Variants in YTHDC1 observed in about 807,000 individuals in gnomAD.
YTHDC1 encodes YTH N6-methyladenosine RNA binding protein C1.
In YTHDC1, 12 loss-of-function variants were observed where a neutral mutation model predicts 107.0. The ratio of observed to expected loss-of-function variants is 0.11; its 90% CI spans 0.07 to 0.18. The LOEUF (loss-of-function observed/expected upper bound fraction) is 0.18. Among genes scored for constraint, YTHDC1 ranks in the 10% least tolerant of loss-of-function variants. YTHDC1 has a pLI of 1.00. For missense variants in YTHDC1, 635 were observed against 898.8 expected, an observed-to-expected ratio of 0.71 and a Z score of 3.75; for synonymous variants, 280 against 289.5, an observed-to-expected ratio of 0.97 and a Z score of 0.33.
Position 68,332,199 on chromosome 4 carries a change from T to TG in YTHDC1, c.1028-3dup. On this transcript the variant is annotated splice_region_variant and splice_polypyrimidine_tract_variant and intron_variant, in intron 6 of 16. Coordinates refer to ENST00000344157, the MANE Select transcript of YTHDC1 (RefSeq NM_001031732.4). ...CATATTTGAGTTTACTGGTTTGATC[T>TG]GAAAAAAAAAGAAACCCAAATCGAT... The TG allele has an allele frequency of 6.3e-7, 1 of 1,584,680 alleles. No individual in the cohort carries two copies.
chr4:68,328,254 C>G (rs931273918), intron 9 of YTHDC1, among the ~76,000 whole-genome samples: 2 of 152,166 alleles, frequency 1.3e-5, no homozygotes, highest in African/African-American at 4.8e-5. Flanking sequence ...CTCCTGTTCC[C>G]AAGAAAGCAA....
At chr4:68,346,121 C>T (rs1324451267) in intron 1 of YTHDC1, among the ~76,000 whole-genome samples, 2 of 138,626 alleles carry the variant, frequency 1.4e-5, no homozygotes, top group South Asian at 2.3e-4. Context: ...CTGCATGTAA[C>T]CGTCTGTATA....
intron 4 of YTHDC1, among the ~76,000 whole-genome samples, chr4:68,335,017 A>C (rs750078689): frequency 1.3e-5 from 2 of 152,204 alleles, no homozygotes; most frequent in Non-Finnish European, 2.9e-5. Context: ...TTTTGTATGA[A>C]TAACTCCCAA....
In YTHDC1 at chr4:68,322,397, T is replaced by A; in HGVS notation, c.1601+352A>T. On this transcript the variant is annotated intron_variant, in intron 11 of 16. Transcript: ENST00000344157. This position sits in a 1 kb window ranked among gnomAD's most constrained non-coding sequence, Gnocchi z 4.8. The stretch of plus-strand genomic sequence containing the variant: ...CTTTTTAAAAAGTATTAACAATTTT[T>A]GCAAATAAAGACTTCCTCCTCTTCC... 1 of 203,726 alleles carries A rather than the reference T, an allele frequency of 4.9e-6. No individual in the cohort carries two copies. The highest frequency in any genetic ancestry group is 9.7e-6 in the Non-Finnish European group (1 of 102,750). 12.6% of individuals were successfully genotyped at this position (203,726 alleles called of 1,614,324 possible). A position where few individuals can be genotyped will look rare whatever the true frequency, so the allele number is the denominator to read the frequency against.
chr4:68,319,934 A>G (rs1057449412), intron 12 of YTHDC1, among the ~76,000 whole-genome samples, 189 bp downstream of exon 12: 1 of 152,272 alleles, frequency 6.6e-6, no homozygotes, highest in South Asian at 2.1e-4. Context: ...GGAATAGACT[A>G]GACAACCTTA....
Position 68,337,429 on chromosome 4 carries a change from T to G in YTHDC1, c.481A>C (p.Arg161=). 6.2e-7 allele frequency: 1 copy of G among 1,614,068 alleles called. No individual in the cohort carries two copies. Among genetic ancestry groups the G allele is most frequent in the Non-Finnish European group, 8.5e-7 (1 of 1,179,930 alleles). Reference sequence around the variant, plus strand: ...GACTGGCTGGATCTGCTTGCACGTCTATCCACTTCAAGCCCAATTCTCTGA... The same window carrying G: ...GACTGGCTGGATCTGCTTGCACGTCGATCCACTTCAAGCCCAATTCTCTGA... ...GSERIGLEVD[R]RASRSSQSSK... The change falls in exon 4 of 17, where the codon AGA becomes CGA. Residue 161 remains arginine, a synonymous_variant. Coordinates refer to ENST00000344157, the MANE Select transcript of YTHDC1 (RefSeq NM_001031732.4).
chr4:68,315,938 CA>C (rs1175057972), intron 16 of YTHDC1: 1 of 155,806 alleles, frequency 6.4e-6, no homozygotes, highest in Non-Finnish European at 1.4e-5. Flanking sequence ...ACTTAATATA[CA>C]CGATCTATCC....
At chr4:68,334,403 A>T (rs1253829914) in intron 4 of YTHDC1, among the ~76,000 whole-genome samples, 1 of 152,036 alleles carries the variant, frequency 6.6e-6, no homozygotes, top group Non-Finnish European at 1.5e-5. Context: ...AGATATTCTC[A>T]TTACAGATGA....
At chr4:68,329,358 G>A (rs1181662789) in intron 9 of YTHDC1, among the ~76,000 whole-genome samples, 1 of 152,070 alleles carries the variant, frequency 6.6e-6, no homozygotes, top group African/African-American at 2.4e-5. Context: ...GGCTCATCAA[G>A]ATCTAATACC....
intron 7 of YTHDC1, 77 bp from the exon 8 acceptor site, chr4:68,330,387 A>C: frequency 9.9e-7 from 1 of 1,010,018 alleles, no homozygotes; most frequent in Non-Finnish European, 1.4e-6. Flanking sequence ...TTGAAAAAAA[A>C]CTACATATTT....
rs1721243627 is a variant in YTHDC1 at position 68,310,721 on chromosome 4, T to G, written c.*3378A>C. 1 of 152,216 alleles carries G rather than the reference T, an allele frequency of 6.6e-6. No homozygotes were observed. The highest frequency in any genetic ancestry group is 2.4e-5 in the African/African-American group (1 of 41,454). 9.4% of individuals were successfully genotyped at this position (152,216 alleles called of 1,614,324 possible). A position where few individuals can be genotyped will look rare whatever the true frequency, so the allele number is the denominator to read the frequency against. On this transcript the variant is annotated 3_prime_UTR_variant, in exon 17 of 17. Coordinates refer to ENST00000344157, the MANE Select transcript of YTHDC1 (RefSeq NM_001031732.4). ...AATCTTAAACATGAAGCTAAAATTA[T>G]CCATGTGTGTCACAGTCACCCTTAC...
Position 68,313,775 on chromosome 4 carries a change from AAAAC to A in YTHDC1, c.*320_*323del, listed in dbSNP as rs1721505257. On this transcript the variant is annotated 3_prime_UTR_variant, in exon 17 of 17. Transcript: ENST00000344157. ...TATCAATCAAGATCCAAAAAGGAAA[AAAAC>A]AAACAAAAAAATAACTCTAGGATGA... 1.1e-5 allele frequency: 3 copies of A among 279,132 alleles called. No individual in the cohort carries two copies. The highest frequency in any genetic ancestry group is 7.3e-5 in the South Asian group (1 of 13,634). The allele number at this position is 279,132 out of a possible 1,614,324, so 17.3% of individuals were successfully genotyped here.
At chr4:68,332,543 CAT>C (rs1723710370) in intron 6 of YTHDC1, among the ~76,000 whole-genome samples, 1 of 150,390 alleles carries the variant, frequency 6.6e-6, no homozygotes, top group South Asian at 2.1e-4. Context: ...ATATATAACA[CAT>C]ACACACATAC....
Position 68,337,162 on chromosome 4 carries a change from ATTC to A in YTHDC1, c.745_747del (p.Glu249del), listed in dbSNP as rs755562004. On this transcript the variant is annotated inframe_deletion, in exon 4 of 17. Coordinates refer to ENST00000344157, the MANE Select transcript of YTHDC1 (RefSeq NM_001031732.4). ...TTCTGGTCTCTCTCATCCTGTTCAT[ATTC>A]TTCTTCTTCCTCCTCCTCCTCCTCC... The A allele has an allele frequency of 1.4e-5, 22 of 1,612,594 alleles. No homozygotes were observed. Among genetic ancestry groups the A allele is most frequent in the Middle Eastern group, 1.7e-4 (1 of 6,056 alleles).
At chr4:68,331,924 A>C (rs1407678845) in intron 7 of YTHDC1, among the ~76,000 whole-genome samples, 179 bp downstream of exon 7, 2 of 151,986 alleles carry the variant, frequency 1.3e-5, no homozygotes, top group Non-Finnish European at 2.9e-5. Context: ...AAAAAAAAGA[A>C]AACTCAAATT....
intron 7 of YTHDC1, 79 bp from the exon 8 acceptor site, chr4:68,330,389 T>A: frequency 1.0e-6 from 1 of 983,628 alleles, no homozygotes; most frequent in Non-Finnish European, 1.4e-6. Context: ...GAAAAAAAAC[T>A]ACATATTTTG....
chr4:68,314,217 C>T lies in YTHDC1; in HGVS notation c.2066G>A (p.Arg689His), dbSNP rs772149696. 3.7e-6 allele frequency: 6 copies of T among 1,613,412 alleles called. No homozygotes were observed. The highest frequency in any genetic ancestry group is 2.2e-5 in the East Asian group (1 of 44,848). Residue 689 changes from arginine to histidine, a missense_variant, in exon 17 of 17, where the codon CGC becomes CAC. Physicochemically the swap from Arg to His is conservative, Grantham distance 29 (BLOSUM62 0). Around this residue, in one of 5 missense-constraint regions of YTHDC1, gnomAD observed 256 missense variants for 372.9 expected, o/e 0.69. Coordinates refer to ENST00000344157, the MANE Select transcript of YTHDC1 (RefSeq NM_001031732.4). ...RERDRERERD[R>H]PRDNRRDRER... Reference sequence around the variant, plus strand: ...TCTGTCTCGTCTGTTATCTCTAGGGCGGTCTCGCTCTCGTTCCCGGTCTCT... The same window carrying T: ...TCTGTCTCGTCTGTTATCTCTAGGGTGGTCTCGCTCTCGTTCCCGGTCTCT...
Position 68,322,529 on chromosome 4 carries a change from T to C in YTHDC1, c.1601+220A>G. ...AAACTGGTTATCACTGGTTATACTTTTTTCTGCATAAGGAAAGATCCCCAT... is the reference window on the plus strand; with the variant it reads ...AAACTGGTTATCACTGGTTATACTTCTTTCTGCATAAGGAAAGATCCCCAT... On this transcript the variant is annotated intron_variant, in intron 11 of 16. Transcript: ENST00000344157. This position sits in a 1 kb window ranked among gnomAD's most constrained non-coding sequence, Gnocchi z 4.8. The C allele has an allele frequency of 1.9e-6, 1 of 539,570 alleles. No individual in the cohort carries two copies. Among genetic ancestry groups the C allele is most frequent in the Non-Finnish European group, 3.2e-6 (1 of 308,560 alleles). 33.4% of individuals were successfully genotyped at this position (539,570 alleles called of 1,614,324 possible). A position where few individuals can be genotyped will look rare whatever the true frequency, so the allele number is the denominator to read the frequency against.
chr4:68,313,483 G>C lies in YTHDC1; in HGVS notation c.*616C>G, dbSNP rs1411534954. The C allele has an allele frequency of 6.5e-6, 1 of 152,724 alleles. No homozygotes were observed. Among genetic ancestry groups the C allele is most frequent in the Non-Finnish European group, 1.5e-5 (1 of 68,302 alleles). The allele number at this position is 152,724 out of a possible 1,614,324, so 9.5% of individuals were successfully genotyped here. ...GCATCAACCACGCTACTGAACATAG[G>C]AATTTTTCATTTAAAAAGATTAAAA... On this transcript the variant is annotated 3_prime_UTR_variant, in exon 17 of 17. Coordinates refer to ENST00000344157, the MANE Select transcript of YTHDC1 (RefSeq NM_001031732.4).
Sources: gnomAD v4.1 joint callset for allele counts (sites outside exome capture counted in the v4.1 genomes callset) on GRCh38, gnomAD v4.1.1 for gene constraint, gnomAD v4.1.1 regional missense constraint, Gnocchi (gnomAD v3.1) non-coding constraint, MANE v1.5 for transcripts, NCBI Gene and HGNC (gene_info 2026-07-23, HGNC 2026-07-21) for gene names.